The following KAT2B variants were observed in gnomAD, a reference collection of about 807,000 sequenced individuals.
The protein encoded by KAT2B is lysine acetyltransferase 2B.
In KAT2B, 36 loss-of-function variants were observed where a neutral mutation model predicts 105.9. That is an observed-to-expected ratio of 0.34 (90% CI 0.26 to 0.45). The LOEUF (loss-of-function observed/expected upper bound fraction) is 0.45, where lower values mean the gene tolerates loss of function less well. Among genes scored for constraint, KAT2B ranks in the 20% least tolerant of loss-of-function variants. The pLI is 1.00. For synonymous variants in KAT2B, 397 were observed against 377.9 expected (o/e 1.05, Z -0.59); for missense variants, 820 against 1,021.6 (o/e 0.80, Z 2.69).
chr3:20,135,833 C>G (rs536643868), intron 11 of KAT2B, among the ~76,000 whole-genome samples: 1 of 152,152 alleles, frequency 6.6e-6, no homozygotes, highest in Non-Finnish European at 1.5e-5. Flanking sequence ...AGGAATGAGT[C>G]TTTGTAACTC....
chr3:20,126,046 C>G lies in KAT2B; in HGVS notation c.1555C>G (p.Gln519Glu). 1.2e-6 allele frequency: 2 copies of G among 1,614,096 alleles called. No homozygotes were observed. Among genetic ancestry groups the G allele is most frequent in the Non-Finnish European group, 1.7e-6 (2 of 1,179,984 alleles). The change falls in exon 10 of 18, where the codon CAG becomes GAG. Residue 519 changes from glutamine to glutamate, a missense_variant. Gln to Glu is a conservative substitution (Grantham distance 29, BLOSUM62 2). Around this residue, in one of 6 missense-constraint regions of KAT2B, gnomAD observed 225 missense variants for 268.1 expected, o/e 0.84. Transcript: ENST00000263754. ...GATCCTGATGTGGCTGGTTGGCCTA[C>G]AGAACGTTTTCTCCCACCAGCTGCC... Reference protein sequence around the residue: ...KKILMWLVGLQNVFSHQLPRM... With the variant: ...KKILMWLVGLENVFSHQLPRM...
chr3:20,101,930 A>G (rs1229164035), intron 5 of KAT2B, among the ~76,000 whole-genome samples: 3 of 152,210 alleles, frequency 2.0e-5, no homozygotes, highest in South Asian at 4.1e-4. Flanking sequence ...TTATTTATCT[A>G]TTGAATATAG....
intron 11 of KAT2B, among the ~76,000 whole-genome samples, chr3:20,130,651 T>C (rs1380898765): frequency 6.6e-6 from 1 of 152,190 alleles, no homozygotes; most frequent in East Asian, 1.9e-4. Flanking sequence ...TTGGATACTT[T>C]GTCTTATTAC....
At chr3:20,090,105 G>A (rs1698690806) in intron 2 of KAT2B, among the ~76,000 whole-genome samples, 2 of 152,034 alleles carry the variant, frequency 1.3e-5, no homozygotes, top group South Asian at 2.1e-4. Flanking sequence ...GCTTTTTGGT[G>A]GTGTCTTTAG....
chr3:20,072,281 G>T, intron 1 of KAT2B, 52 bp from the exon 2 acceptor site: 1 of 1,588,416 alleles, frequency 6.3e-7, no homozygotes. Flanking sequence ...AAAACCATCA[G>T]TCCACGGCTG....
rs570450290 is a variant in KAT2B at position 20,153,152 on chromosome 3, T to C, written c.*627T>C. The C allele has an allele frequency of 1.0e-4, 16 of 152,714 alleles. No individual in the cohort carries two copies. The South Asian group carries it at 3.3e-3, about 32-fold the overall frequency. The allele number at this position is 152,714 out of a possible 1,614,324, so 9.5% of individuals were successfully genotyped here. A position where few individuals can be genotyped will look rare whatever the true frequency, so the allele number is the denominator to read the frequency against. On this transcript the variant is annotated 3_prime_UTR_variant, in exon 18 of 18. Coordinates refer to ENST00000263754, the MANE Select transcript of KAT2B (RefSeq NM_003884.5). ...AAGAAATTCTAAATAATGCAAACTT[T>C]TAAAATAAGCATCTAGGTTTTTGAT... is the stretch of plus-strand genomic sequence containing the variant.
At chr3:20,150,277 C>G (rs1699850312) in intron 17 of KAT2B, among the ~76,000 whole-genome samples, 2 of 152,134 alleles carry the variant, frequency 1.3e-5, no homozygotes, top group Non-Finnish European at 1.5e-5. Flanking sequence ...GTCTTGTCCC[C>G]AAGATTATCT....
intron 1 of KAT2B, among the ~76,000 whole-genome samples, chr3:20,064,223 C>T (rs966501210): frequency 6.6e-6 from 1 of 152,070 alleles, no homozygotes; most frequent in South Asian, 2.1e-4. Flanking sequence ...TTAATTGACA[C>T]CTAATAATTA....
chr3:20,060,377 G>A (rs918858351), intron 1 of KAT2B, among the ~76,000 whole-genome samples: 3 of 151,924 alleles, frequency 2.0e-5, no homozygotes, highest in Non-Finnish European at 4.4e-5. Flanking sequence ...CAAGGCGGGC[G>A]GATCACCTGA....
intron 9 of KAT2B, among the ~76,000 whole-genome samples, chr3:20,124,479 C>G (rs538932250): frequency 3.6e-4 from 55 of 152,084 alleles, no homozygotes; most frequent in Non-Finnish European, 6.6e-4. Context: ...CTCATATGAA[C>G]TAACTGAGCA....
chr3:20,083,070 A>G (rs1698548089), intron 2 of KAT2B, among the ~76,000 whole-genome samples: 1 of 152,174 alleles, frequency 6.6e-6, no homozygotes, highest in South Asian at 2.1e-4. Context: ...AGAGCACAGG[A>G]AAAAGGAATA....
intron 11 of KAT2B, among the ~76,000 whole-genome samples, chr3:20,131,053 T>C (rs918085829): frequency 7.6e-4 from 111 of 145,290 alleles, no homozygotes; most frequent in African/African-American, 2.8e-3. Context: ...TTTGCTCTTG[T>C]TGCCCAGGCT....
At position 20,072,477 on chromosome 3, in the gene KAT2B, C is replaced by A. The variant is rs751927546; in HGVS notation, c.430+18C>A. 3.7e-6 allele frequency: 6 copies of A among 1,611,242 alleles called. No individual in the cohort carries two copies. Among genetic ancestry groups the A allele is most frequent in the Non-Finnish European group, 4.2e-6 (5 of 1,177,546 alleles). On this transcript the variant is annotated intron_variant, in intron 2 of 17. Transcript: ENST00000263754. Reference sequence around the variant, plus strand: ...TGCCCTAGGTGAGTTCCTAAATCTTCAAGGAAAGTATAACGAGTTCATTGT... The same window carrying A: ...TGCCCTAGGTGAGTTCCTAAATCTTAAAGGAAAGTATAACGAGTTCATTGT...
At chr3:20,044,848 G>A (rs1163933711) in intron 1 of KAT2B, among the ~76,000 whole-genome samples, 2 of 152,092 alleles carry the variant, frequency 1.3e-5, no homozygotes, top group African/African-American at 2.4e-5. Context: ...TTAGCCATGC[G>A]GTTATTGACT....
rs539150266 is a variant in KAT2B at position 20,084,606 on chromosome 3, A to G, written c.431-10657A>G. 2.6e-5 allele frequency among the ~76,000 whole-genome samples: 4 copies of G among 152,306 alleles called. No homozygotes were observed. In the South Asian group the frequency reaches 8.3e-4, roughly 32 times the overall value. ...AATAAATAATTAATAAATGCAAAAAAAAATCACAAAACCACAAGCACATTT... is the reference window on the plus strand; with the variant it reads ...AATAAATAATTAATAAATGCAAAAAGAAATCACAAAACCACAAGCACATTT... On this transcript the variant is annotated intron_variant, in intron 2 of 17. Transcript: ENST00000263754.
intron 1 of KAT2B, among the ~76,000 whole-genome samples, chr3:20,068,750 A>G (rs558623605): frequency 6.6e-6 from 1 of 152,172 alleles, no homozygotes; most frequent in Admixed American, 6.5e-5. Context: ...TTGGCTTGAA[A>G]TGCTGTTCTC....
In KAT2B at chr3:20,092,418, C is replaced by T. The variant is rs186292920; in HGVS notation, c.431-2845C>T. ...TTATTTTTTGCATTTTCAGTAGAGA[C>T]GAGGTTTCACCATGTTGGCCCCACT... is the stretch of plus-strand genomic sequence containing the variant. On this transcript the variant is annotated intron_variant, in intron 2 of 17. Transcript: ENST00000263754. Among the ~76,000 whole-genome samples, 209 of 151,664 alleles carry T rather than the reference C, an allele frequency of 1.4e-3. 1 individual carries two copies. The highest frequency in any genetic ancestry group is 1.5e-3 in the Admixed American group (23 of 15,180).
intron 3 of KAT2B, among the ~76,000 whole-genome samples, chr3:20,096,486 C>T (rs563010278): frequency 2.6e-5 from 4 of 152,230 alleles, no homozygotes; most frequent in South Asian, 4.1e-4. Flanking sequence ...AAACCTGCTA[C>T]TGAGGGCATT....
intron 5 of KAT2B, among the ~76,000 whole-genome samples, chr3:20,103,511 G>A (rs1229579438): frequency 4.6e-5 from 7 of 152,092 alleles, no homozygotes; most frequent in Non-Finnish European, 1.0e-4. Flanking sequence ...CTAGACTCAA[G>A]CAATTCATCT....
Sources: gnomAD v4.1 joint callset for allele counts (sites outside exome capture counted in the v4.1 genomes callset) on GRCh38, gnomAD v4.1.1 for gene constraint, gnomAD v4.1.1 regional missense constraint, MANE v1.5 for transcripts, NCBI Gene and HGNC (gene_info 2026-07-23, HGNC 2026-07-21) for gene names.